Variants in PLIN1 observed in about 807,000 individuals in gnomAD.
PLIN1 encodes the protein perilipin-1.
A neutral mutation model predicts 45.8 loss-of-function variants in PLIN1; 37 were observed. The ratio of observed to expected loss-of-function variants is 0.81; its 90% CI spans 0.62 to 1.06. PLIN1 has a LOEUF of 1.06. Among genes scored for constraint, PLIN1 ranks in the 50% least tolerant of loss-of-function variants. The probability of loss-of-function intolerance (pLI) is 0.00; values close to 1 mark genes in which losing one functional copy is unlikely to be tolerated. For missense variants in PLIN1, 776 were observed against 716.5 expected (o/e 1.08, Z -0.95); for synonymous variants, 340 against 309.2 (o/e 1.10, Z -1.05).
At position 89,667,891 on chromosome 15, in the gene PLIN1, G is replaced by T. The variant is rs1398488079; in HGVS notation, c.772-98C>A. 5 of 1,520,722 alleles carry T rather than the reference G, an allele frequency of 3.3e-6. No individual in the cohort carries two copies. In the South Asian group the frequency reaches 4.8e-5, roughly 15 times the overall value. 94.2% of individuals were successfully genotyped at this position (1,520,722 alleles called of 1,614,324 possible). A position where few individuals can be genotyped will look rare whatever the true frequency, so the allele number is the denominator to read the frequency against. On this transcript the variant is annotated intron_variant, in intron 6 of 8. Transcript: ENST00000300055. ...CCCCTCGCCCCCAGGGTCCGGGCCA[G>T]GTGGTGAGCAGGGCTCAGCCCCAGC...
Position 89,669,580 on chromosome 15 carries a change from G to A in PLIN1, c.691C>T (p.Arg231Ter), listed in dbSNP as rs974117029. 5.0e-6 allele frequency: 8 copies of A among 1,613,858 alleles called. No individual in the cohort carries two copies. The highest frequency in any genetic ancestry group is 4.0e-5 in the African/African-American group (3 of 74,920). ...RVGALTNTLS[R>*]YTVQTMARAL... is the part of the protein sequence containing the mutation. ...CGGGCCATGGTCTGCACGGTGTATCGAGAGAGGGTGTTGGTCAGAGCCCCA... is the reference window on the plus strand; with the variant it reads ...CGGGCCATGGTCTGCACGGTGTATCAAGAGAGGGTGTTGGTCAGAGCCCCA... The change falls in exon 6 of 9, where the codon CGA becomes TGA. Residue 231 changes from arginine (R) to a stop codon, truncating the protein, a stop_gained. Transcript: ENST00000300055. LOFTEE classifies it high-confidence loss of function.
chr15:89,670,213 G>T lies in PLIN1; in HGVS notation c.365C>A (p.Thr122Asn). The change falls in exon 5 of 9, where the codon ACC becomes AAC. Residue 122 changes from threonine (T) to asparagine (N), a missense_variant. Coordinates refer to ENST00000300055, the MANE Select transcript of PLIN1 (RefSeq NM_002666.5). ...GCTGTTTCTGGCACTGCGGAGGCGG[G>T]TGGAGATGGTGTCCTTCAGCTCAGA... The part of the protein sequence containing the change: ...IASELKDTIS[T>N]RLRSARNSIS... The T allele has an allele frequency of 6.2e-7, 1 of 1,613,474 alleles. No homozygotes were observed. Among genetic ancestry groups the T allele is most frequent in the Non-Finnish European group, 8.5e-7 (1 of 1,179,742 alleles).
rs4578621 is a variant in PLIN1 at position 89,678,723 on chromosome 15, C to T, written c.-15+528G>A. 2.0e-3 allele frequency among the ~76,000 whole-genome samples: 308 copies of T among 152,110 alleles called. 2 individuals are homozygous for T. Among genetic ancestry groups the T allele is most frequent in the African/African-American group, 7.2e-3 (299 of 41,488 alleles). On this transcript the variant is annotated intron_variant, in intron 1 of 8. Transcript: ENST00000300055. The stretch of plus-strand genomic sequence containing the variant: ...GAGCCCAGGAGTTTGAGATCAGCCT[C>T]GGCAATACAGTGAGATGCCCATCTC...
At chr15:89,668,527 G>C (rs889268752) in intron 6 of PLIN1, among the ~76,000 whole-genome samples, 1 of 152,214 alleles carries the variant, frequency 6.6e-6, no homozygotes, top group Admixed American at 6.5e-5. Context: ...CAATGAACCA[G>C]AGTGTCCCAT....
chr15:89,675,641 T>G (rs1964505137), intron 2 of PLIN1, among the ~76,000 whole-genome samples: 1 of 151,784 alleles, frequency 6.6e-6, no homozygotes, highest in Admixed American at 6.6e-5. Flanking sequence ...AAGAACAAAT[T>G]CTAGGCATGC....
At position 89,671,583 on chromosome 15, in the gene PLIN1, G is replaced by C. The variant is rs1447329471; in HGVS notation, c.251-19C>G. ...GCTGTGACTGGAAGGAAAGGGCCAA[G>C]TTTGGGTGAGCCCTGCCCCTCCCCA... On this transcript the variant is annotated intron_variant, in intron 3 of 8. Transcript: ENST00000300055. 1.3e-6 allele frequency: 2 copies of C among 1,533,124 alleles called. No individual in the cohort carries two copies. The highest frequency in any genetic ancestry group is 1.8e-6 in the Non-Finnish European group (2 of 1,128,686). 95.0% of individuals were successfully genotyped at this position (1,533,124 alleles called of 1,614,324 possible).
At chr15:89,676,667 C>T (rs916791793) in intron 2 of PLIN1, 1 of 152,192 alleles carries the variant, frequency 6.6e-6, no homozygotes, top group Non-Finnish European at 1.5e-5. Context: ...TTGTTTTACA[C>T]AAAACCGAAG....
chr15:89,669,934 G>A, intron 5 of PLIN1, 46 bp downstream of exon 5: 1 of 1,582,648 alleles, frequency 6.3e-7, no homozygotes, highest in Middle Eastern at 1.7e-4. Context: ...CCCAGGCAGT[G>A]TGTGTGACAA....
rs569995782 is a variant in PLIN1, at chr15:89,669,687, G to C, written c.599-15C>G. The stretch of plus-strand genomic sequence containing the variant: ...AGGAGCAGGGGCTGGGTAGGGATTT[G>C]GGGGGAAAGAAGAGAAAACAGGTCA... On this transcript the variant is annotated splice_polypyrimidine_tract_variant and intron_variant, in intron 5 of 8. Transcript: ENST00000300055. 3 of 1,612,636 alleles carry C rather than the reference G, an allele frequency of 1.9e-6. No homozygotes were observed. The highest frequency in any genetic ancestry group is 2.5e-6 in the Non-Finnish European group (3 of 1,179,180).
chr15:89,664,975 C>G lies in PLIN1; in HGVS notation c.*608G>C. 1 of 452,750 alleles carries G rather than the reference C, an allele frequency of 2.2e-6. No homozygotes were observed. Among genetic ancestry groups the G allele is most frequent in the South Asian group, 1.6e-5 (1 of 63,710 alleles). The allele number at this position is 452,750 out of a possible 1,614,324, so 28.0% of individuals were successfully genotyped here. A position where few individuals can be genotyped will look rare whatever the true frequency, so the allele number is the denominator to read the frequency against. On this transcript the variant is annotated 3_prime_UTR_variant, in exon 9 of 9. Coordinates refer to ENST00000300055, the MANE Select transcript of PLIN1 (RefSeq NM_002666.5). ...ACAAAGCACACAGGCCTGGACTCAG[C>G]CTGTGAAGCGGCGGGTACTCAGAAA...
At chr15:89,669,734 G>T in intron 5 of PLIN1, 62 bp from the exon 6 acceptor site, 1 of 1,501,772 alleles carries the variant, frequency 6.7e-7, no homozygotes. Flanking sequence ...GAGAGATCTG[G>T]GTCATGTCTA....
rs199756929 is a variant in PLIN1, at chr15:89,670,170, C to G, written c.408G>C (p.Ala136=). Residue 136 remains alanine (A), a synonymous_variant, in exon 5 of 9, where the codon GCG becomes GCC. Coordinates refer to ENST00000300055, the MANE Select transcript of PLIN1 (RefSeq NM_002666.5). ...CCCCCAGGACCTTGTCTGAAGTGCTCGCGATGGGAACGCTGATGCTGTTTC... is the reference window on the plus strand; with the variant it reads ...CCCCCAGGACCTTGTCTGAAGTGCTGGCGATGGGAACGCTGATGCTGTTTC... ...SARNSISVPI[A]STSDKVLGAA... is the part of the protein sequence containing the mutation. 6.2e-7 allele frequency: 1 copy of G among 1,613,950 alleles called. No homozygotes were observed. The highest frequency in any genetic ancestry group is 1.1e-5 in the South Asian group (1 of 90,994).
At chr15:89,667,944 T>A (rs201884695) in intron 6 of PLIN1, 151 bp from the exon 7 acceptor site, 724 of 7,876 alleles carry the variant, frequency 0.092, 7 homozygotes, top group Middle Eastern at 0.5. Context: ...TTTTATTGAG[T>A]TGGTAATCTA....
At chr15:89,671,668 G>T (rs1236823700) in intron 3 of PLIN1, 104 bp from the exon 4 acceptor site, 5 of 839,980 alleles carry the variant, frequency 6.0e-6, no homozygotes, top group Non-Finnish European at 1.0e-5. Flanking sequence ...AAATCCCAAG[G>T]CCTGCTGCCT....
intron 6 of PLIN1, among the ~76,000 whole-genome samples, chr15:89,668,226 G>A (rs1227724583): frequency 1.3e-5 from 2 of 152,158 alleles, no homozygotes; most frequent in African/African-American, 4.8e-5. Context: ...GATGGTGTAA[G>A]TTTCACCCAT....
intron 3 of PLIN1, 45 bp from the exon 4 acceptor site, chr15:89,671,609 T>A (rs374177613): frequency 1.0e-5 from 14 of 1,377,032 alleles, no homozygotes; most frequent in South Asian, 2.5e-5. Context: ...CCCCTCCCCA[T>A]GAGAATCTAG....
intron 8 of PLIN1, among the ~76,000 whole-genome samples, chr15:89,666,712 G>A (rs1329248632): frequency 4.6e-5 from 7 of 152,072 alleles, no homozygotes; most frequent in Admixed American, 1.3e-4. Flanking sequence ...GGGAGGGGCC[G>A]TGGGGAGAGG....
chr15:89,673,988 C>T (rs773641881), intron 2 of PLIN1, among the ~76,000 whole-genome samples: 7 of 152,206 alleles, frequency 4.6e-5, no homozygotes, highest in Non-Finnish European at 8.8e-5. Context: ...AAACCACTCC[C>T]TCCCTGGCTC....
rs1036407135 is a variant in PLIN1, at chr15:89,673,577, G to A, written c.46-163C>T. Among the ~76,000 whole-genome samples the A allele has an allele frequency of 7.2e-5, 11 of 152,178 alleles. No individual in the cohort carries two copies. In the East Asian group the frequency reaches 1.2e-3, roughly 16 times the overall value. The stretch of plus-strand genomic sequence containing the variant: ...CTCTAGATGCCCCAATCATGGGAGC[G>A]TGGGAGAGCCCATGGGGAAAACAAG... On this transcript the variant is annotated intron_variant, in intron 2 of 8. Coordinates refer to ENST00000300055, the MANE Select transcript of PLIN1 (RefSeq NM_002666.5).
Sources: gnomAD v4.1 joint callset for allele counts (sites outside exome capture counted in the v4.1 genomes callset) on GRCh38, gnomAD v4.1.1 for gene constraint, MANE v1.5 for transcripts, NCBI Gene and HGNC (gene_info 2026-07-23, HGNC 2026-07-21) for gene names.